Variants in RAB2A observed in about 807,000 individuals in gnomAD.
The protein encoded by RAB2A is RAB2A, member RAS oncogene family, also known as ras-related protein Rab-2A.
In RAB2A, 7 loss-of-function variants were observed where a neutral mutation model predicts 32.5. That is an observed-to-expected ratio of 0.22 (90% CI 0.12 to 0.40). The LOEUF is 0.40. Among genes scored for constraint, RAB2A ranks in the 10% least tolerant of loss-of-function variants. The pLI is 1.00. For synonymous variants in RAB2A, 79 were observed against 85.2 expected (o/e 0.93, Z 0.40); for missense variants, 108 against 260.7 (o/e 0.41, Z 4.03).
intron 3 of RAB2A, among the ~76,000 whole-genome samples, chr8:60,572,647 C>G (rs1808213311): frequency 1.3e-5 from 2 of 152,100 alleles, no homozygotes; most frequent in Admixed American, 1.3e-4. Context: ...TGACTGTTTT[C>G]TCTATTCTCC....
At chr8:60,549,927 AT>A (rs1049485521) in intron 1 of RAB2A, among the ~76,000 whole-genome samples, 14 of 150,906 alleles carry the variant, frequency 9.3e-5, no homozygotes, top group African/African-American at 2.7e-4. Flanking sequence ...CTCAAAAGCC[AT>A]TTTTGTTTGT....
chr8:60,550,011 C>T (rs1340857579), intron 1 of RAB2A, among the ~76,000 whole-genome samples: 1 of 152,092 alleles, frequency 6.6e-6, no homozygotes, highest in Non-Finnish European at 1.5e-5. Flanking sequence ...GCTGATTCCT[C>T]TTTACATGTG....
At chr8:60,520,785 C>G (rs889564399) in intron 1 of RAB2A, among the ~76,000 whole-genome samples, 1 of 151,966 alleles carries the variant, frequency 6.6e-6, no homozygotes, top group Admixed American at 6.6e-5. Context: ...ATGTATATAC[C>G]CACCACTTCC....
chr8:60,523,777 G>A (rs1051448441), intron 1 of RAB2A, among the ~76,000 whole-genome samples: 2 of 148,452 alleles, frequency 1.3e-5, no homozygotes, highest in African/African-American at 2.5e-5. Flanking sequence ...TGCAAGCTCC[G>A]TCTCCCGGGT....
chr8:60,543,909 A>G (rs1248282548), intron 1 of RAB2A, among the ~76,000 whole-genome samples: 2 of 151,762 alleles, frequency 1.3e-5, no homozygotes, highest in East Asian at 3.9e-4. Flanking sequence ...TAAAAATACG[A>G]AAATTAGCCA....
At chr8:60,576,770 C>A (rs982223338) in intron 3 of RAB2A, among the ~76,000 whole-genome samples, 1 of 152,202 alleles carries the variant, frequency 6.6e-6, no homozygotes, top group African/African-American at 2.4e-5. Flanking sequence ...ATACTGCCTC[C>A]CCACTTCTGC....
intron 2 of RAB2A, among the ~76,000 whole-genome samples, chr8:60,571,092 C>T (rs1390611422): frequency 2.6e-5 from 4 of 152,166 alleles, no homozygotes; most frequent in Non-Finnish European, 5.9e-5. Flanking sequence ...AAATTATCTC[C>T]TATTTTTCTA....
chr8:60,574,469 C>A (rs751123789), intron 3 of RAB2A, among the ~76,000 whole-genome samples: 17 of 152,156 alleles, frequency 1.1e-4, no homozygotes, highest in Non-Finnish European at 1.9e-4. Flanking sequence ...CAGGAGATAT[C>A]TACTAAAGTA....
At position 60,516,996 on chromosome 8, in the gene RAB2A, C is replaced by T; in HGVS notation, c.-212C>T. 2.2e-6 allele frequency: 1 copy of T among 463,102 alleles called. No individual in the cohort carries two copies. Among genetic ancestry groups the T allele is most frequent in the Non-Finnish European group, 3.8e-6 (1 of 261,250 alleles). 28.7% of individuals were successfully genotyped at this position (463,102 alleles called of 1,614,324 possible). A position where few individuals can be genotyped will look rare whatever the true frequency, so the allele number is the denominator to read the frequency against. On this transcript the variant is annotated 5_prime_UTR_variant, in exon 1 of 8. Transcript: ENST00000262646. ...CGCCGCGGCGGCTGTTATTGTTCGGCTGGGCTCGGTCGGGCGCTGTCTCCC... is the reference window on the plus strand; with the variant it reads ...CGCCGCGGCGGCTGTTATTGTTCGGTTGGGCTCGGTCGGGCGCTGTCTCCC...
chr8:60,604,015 C>T (rs1804182260), intron 6 of RAB2A, among the ~76,000 whole-genome samples: 1 of 152,168 alleles, frequency 6.6e-6, no homozygotes, highest in South Asian at 2.1e-4. Flanking sequence ...GAGGTGGGGC[C>T]TGGTGGGAGG....
intron 1 of RAB2A, among the ~76,000 whole-genome samples, chr8:60,524,744 A>G (rs1208714159): frequency 6.6e-6 from 1 of 152,234 alleles, no homozygotes; most frequent in Non-Finnish European, 1.5e-5. Context: ...CAGTATTTTT[A>G]AAAAGTATTG....
chr8:60,569,773 G>A (rs140212792), intron 2 of RAB2A, among the ~76,000 whole-genome samples: 5 of 152,252 alleles, frequency 3.3e-5, no homozygotes, highest in East Asian at 3.9e-4. Context: ...TCAGCCTCTC[G>A]AATTGTGGGA....
intron 1 of RAB2A, among the ~76,000 whole-genome samples, chr8:60,542,804 CG>C: frequency 6.6e-6 from 1 of 152,196 alleles, no homozygotes; most frequent in African/African-American, 2.4e-5. Context: ...GCTTTGTTAG[CG>C]TACTTTTTTC....
intron 1 of RAB2A, among the ~76,000 whole-genome samples, chr8:60,534,076 A>G (rs894169828): frequency 1.3e-5 from 2 of 152,202 alleles, no homozygotes; most frequent in African/African-American, 2.4e-5. Flanking sequence ...GAGAAGACCA[A>G]TTTGCCACAA....
At position 60,566,701 on chromosome 8, in the gene RAB2A, G is replaced by GT. The variant is rs1461492175; in HGVS notation, c.119-5343dup. Among the ~76,000 whole-genome samples, 3 of 152,044 alleles carry GT rather than the reference G, an allele frequency of 2.0e-5. No individual in the cohort carries two copies. The East Asian group carries it at 5.8e-4, about 29-fold the overall frequency. Reference sequence around the variant, plus strand: ...TGGACATTGGGCTTCTAGCATACCCGTTAACCCAAATAGTGAACGTGGTTC... The same window carrying GT: ...TGGACATTGGGCTTCTAGCATACCCGTTTAACCCAAATAGTGAACGTGGTTC... On this transcript the variant is annotated intron_variant, in intron 2 of 7. Transcript: ENST00000262646.
At position 60,549,245 on chromosome 8, in the gene RAB2A, G is replaced by A. The variant is rs956467053; in HGVS notation, c.47-9607G>A. Among the ~76,000 whole-genome samples the A allele has an allele frequency of 2.4e-3, 368 of 152,290 alleles. 2 individuals are homozygous for A. The highest frequency in any genetic ancestry group is 8.6e-3 in the African/African-American group (357 of 41,558). On this transcript the variant is annotated intron_variant, in intron 1 of 7. Coordinates refer to ENST00000262646, the MANE Select transcript of RAB2A (RefSeq NM_002865.3). ...TCACTTCCCAGACGGGGTGGCGGCC[G>A]GGCAGAGGCTGCAATCTTGGCACTT...
At chr8:60,549,869 G>A (rs1337309106) in intron 1 of RAB2A, among the ~76,000 whole-genome samples, 7 of 146,854 alleles carry the variant, frequency 4.8e-5, no homozygotes, top group African/African-American at 1.0e-4. Flanking sequence ...CTTTCTATTC[G>A]TCCTCCTTTT....
At chr8:60,524,217 G>C (rs1219273521) in intron 1 of RAB2A, among the ~76,000 whole-genome samples, 1 of 152,074 alleles carries the variant, frequency 6.6e-6, no homozygotes, top group East Asian at 1.9e-4. Context: ...CAGCATGAAA[G>C]TTTCTCTTTT....
intron 3 of RAB2A, among the ~76,000 whole-genome samples, chr8:60,580,723 T>C (rs1803734553): frequency 6.6e-6 from 1 of 152,234 alleles, no homozygotes. Context: ...GTTTTGTTCT[T>C]TGCAAAACAG....
Sources: allele counts gnomAD v4.1 joint callset (sites outside exome capture counted in the v4.1 genomes callset), GRCh38; gene constraint gnomAD v4.1.1; transcripts MANE v1.5; gene names NCBI Gene and HGNC (gene_info 2026-07-23, HGNC 2026-07-21).